The following SPAG16 variants were observed in gnomAD, a reference collection of about 807,000 sequenced individuals.
SPAG16 encodes the protein sperm associated antigen 16.
In SPAG16, 86 loss-of-function variants were observed where a neutral mutation model predicts 80.4. The ratio of observed to expected loss-of-function variants is 1.07; its 90% CI spans 0.90 to 1.28. SPAG16 has a LOEUF of 1.28. Among genes scored for constraint, SPAG16 ranks in the 50% most tolerant of loss-of-function variants. The pLI is 0.00. For synonymous variants in SPAG16, 294 were observed against 265.9 expected (o/e 1.11, Z -1.03); for missense variants, 870 against 765.3 (o/e 1.14, Z -1.61).
At chr2:213,506,405 G>T (rs1256430385) in intron 10 of SPAG16, among the ~76,000 whole-genome samples, 1 of 152,070 alleles carries the variant, frequency 6.6e-6, no homozygotes, top group Non-Finnish European at 1.5e-5. Context: ...AATGTGATAG[G>T]TATAAATGCT....
At chr2:214,145,302 C>G (rs2055584021) in intron 14 of SPAG16, among the ~76,000 whole-genome samples, 1 of 152,080 alleles carries the variant, frequency 6.6e-6, no homozygotes, top group African/African-American at 2.4e-5. Flanking sequence ...TCTGAACCCA[C>G]CACAGCCCAA....
chr2:213,723,463 T>C (rs530947538), intron 10 of SPAG16, among the ~76,000 whole-genome samples: 66 of 152,176 alleles, frequency 4.3e-4, no homozygotes, highest in Non-Finnish European at 7.9e-4. Context: ...ATGGGTGTTA[T>C]TTTGCACTGA....
chr2:214,174,576 A>G (rs904333806), intron 15 of SPAG16, among the ~76,000 whole-genome samples: 1 of 151,892 alleles, frequency 6.6e-6, no homozygotes, highest in East Asian at 1.9e-4. Context: ...TGTTGCCTGC[A>G]GGTATTAGTT....
intron 10 of SPAG16, among the ~76,000 whole-genome samples, chr2:213,833,241 G>A (rs1348006760): frequency 1.3e-5 from 2 of 148,702 alleles, no homozygotes; most frequent in Admixed American, 1.4e-4. Context: ...GACTGTAAAT[G>A]CTATTGTTGC....
At chr2:213,854,677 C>G (rs1403678012) in intron 10 of SPAG16, among the ~76,000 whole-genome samples, 1 of 152,154 alleles carries the variant, frequency 6.6e-6, no homozygotes, top group African/African-American at 2.4e-5. Context: ...TACAGTAGTC[C>G]CATTTCTTCA....
intron 10 of SPAG16, among the ~76,000 whole-genome samples, chr2:213,824,771 G>A (rs184920732): frequency 1.6e-4 from 24 of 152,124 alleles, no homozygotes; most frequent in Admixed American, 2.6e-4. Context: ...TTCTTTCTGG[G>A]AAAGTCATTG....
Position 213,350,642 on chromosome 2 carries a change from G to T in SPAG16, c.759G>T (p.Gly253=). 6.4e-7 allele frequency: 1 copy of T among 1,566,544 alleles called. No individual in the cohort carries two copies. Among genetic ancestry groups the T allele is most frequent in the Non-Finnish European group, 8.7e-7 (1 of 1,154,646 alleles). Residue 253 remains glycine, a synonymous_variant, in exon 7 of 16, where the codon GGG becomes GGT. Coordinates refer to ENST00000331683, the MANE Select transcript of SPAG16 (RefSeq NM_024532.5). ...CCTTGGAAAGAGACAAAGTAGTTGGGCAGGTAAAGATATAGTCAAAGCTAA... is the reference window on the plus strand; with the variant it reads ...CCTTGGAAAGAGACAAAGTAGTTGGTCAGGTAAAGATATAGTCAAAGCTAA... ...LTSLERDKVV[G]QISGLQETLK...
intron 12 of SPAG16, among the ~76,000 whole-genome samples, chr2:214,011,981 T>C (rs929284730): frequency 3.3e-5 from 5 of 151,952 alleles, no homozygotes; most frequent in African/African-American, 9.7e-5. Context: ...TCTCAGAATG[T>C]AGGAGCTGGA....
At chr2:213,902,771 T>C (rs963330760) in intron 11 of SPAG16, among the ~76,000 whole-genome samples, 4 of 152,108 alleles carry the variant, frequency 2.6e-5, no homozygotes, top group Admixed American at 2.6e-4. Flanking sequence ...CAGTCCAAAG[T>C]CTCATCTGAG....
At chr2:214,050,291 TAA>T (rs35606696) in intron 13 of SPAG16, among the ~76,000 whole-genome samples, 377 of 143,292 alleles carry the variant, frequency 2.6e-3, no homozygotes, top group Admixed American at 3.8e-3. Flanking sequence ...GGGCCCCAGC[TAA>T]AAAAAAAAAA....
intron 10 of SPAG16, among the ~76,000 whole-genome samples, chr2:213,812,513 G>A (rs1005126643): frequency 6.6e-6 from 1 of 152,188 alleles, no homozygotes; most frequent in Non-Finnish European, 1.5e-5. Flanking sequence ...TTGAAATAAA[G>A]GTGATTGGAT....
At chr2:213,414,957 G>A (rs761544325) in intron 9 of SPAG16, among the ~76,000 whole-genome samples, 1 of 152,168 alleles carries the variant, frequency 6.6e-6, no homozygotes, top group Non-Finnish European at 1.5e-5. Flanking sequence ...ATGCCAAAAT[G>A]GAAACCCATG....
chr2:214,324,536 A>C (rs1369160540), intron 15 of SPAG16, among the ~76,000 whole-genome samples: 2 of 152,204 alleles, frequency 1.3e-5, no homozygotes, highest in Non-Finnish European at 1.5e-5. Context: ...CCAGTTGCTC[A>C]TGAGAGGATC....
chr2:213,393,824 C>T (rs1296669538), intron 9 of SPAG16, among the ~76,000 whole-genome samples: 1 of 151,892 alleles, frequency 6.6e-6, no homozygotes, highest in African/African-American at 2.4e-5. Flanking sequence ...CTCACTAGGT[C>T]TTAATTTCTA....
At chr2:214,002,863 T>A (rs1337654889) in intron 12 of SPAG16, among the ~76,000 whole-genome samples, 1 of 152,162 alleles carries the variant, frequency 6.6e-6, no homozygotes, top group Non-Finnish European at 1.5e-5. Flanking sequence ...AATGTTAATC[T>A]CTTCTAGAAA....
At chr2:214,360,760 CAAAT>C (rs1190287998) in intron 15 of SPAG16, among the ~76,000 whole-genome samples, 2 of 151,804 alleles carry the variant, frequency 1.3e-5, no homozygotes, top group East Asian at 3.9e-4. Flanking sequence ...TGACAATAGA[CAAAT>C]TAGCTGGAGG....
chr2:213,473,570 A>G (rs970240268), intron 9 of SPAG16, among the ~76,000 whole-genome samples: 1 of 152,114 alleles, frequency 6.6e-6, no homozygotes, highest in Non-Finnish European at 1.5e-5. Context: ...ATATTAAACC[A>G]AGGGAGATCA....
intron 5 of SPAG16, among the ~76,000 whole-genome samples, chr2:213,330,082 T>A (rs1317507330): frequency 6.6e-6 from 1 of 152,136 alleles, no homozygotes; most frequent in Non-Finnish European, 1.5e-5. Context: ...CAGGCAGAAG[T>A]TTGCGGCAGG....
intron 10 of SPAG16, 146 bp from the exon 11 acceptor site, chr2:213,862,339 A>T: frequency 1.1e-6 from 1 of 924,060 alleles, no homozygotes; most frequent in Non-Finnish European, 1.6e-6. Flanking sequence ...GGGATGCAGA[A>T]CCTGCTTCCT....
Sources: gnomAD v4.1 joint callset for allele counts (sites outside exome capture counted in the v4.1 genomes callset) on GRCh38, gnomAD v4.1.1 for gene constraint, MANE v1.5 for transcripts, NCBI Gene and HGNC (gene_info 2026-07-23, HGNC 2026-07-21) for gene names.